Variants in CTNNA2 observed in about 807,000 individuals in gnomAD.
CTNNA2 encodes catenin alpha 2.
CTNNA2 carries 42 observed loss-of-function variants against 101.0 expected under a neutral mutation model. That is an observed-to-expected ratio of 0.42 (90% CI 0.32 to 0.54). CTNNA2 has a LOEUF of 0.54. CTNNA2 is among the 20% of genes least tolerant of loss of function. CTNNA2 has a pLI of 0.14. For synonymous variants in CTNNA2, 450 were observed against 456.4 expected (o/e 0.99, Z 0.18); for missense variants, 871 against 1,223.1 (o/e 0.71, Z 4.29).
intron 1 of CTNNA2, among the ~76,000 whole-genome samples, chr2:79,605,908 G>A (rs946121187): frequency 8.6e-5 from 13 of 152,026 alleles, no homozygotes; most frequent in African/African-American, 3.1e-4. Context: ...TAGCCTGGGT[G>A]ACAGGGTGAG....
chr2:79,805,913 G>A (rs1188484560), intron 3 of CTNNA2, among the ~76,000 whole-genome samples: 2 of 151,508 alleles, frequency 1.3e-5, no homozygotes, highest in Non-Finnish European at 2.9e-5. Context: ...ACTTCGGCCT[G>A]GGCGACAGAG....
Position 80,416,070 on chromosome 2 carries a change from G to A in CTNNA2, c.1138-3379G>A, listed in dbSNP as rs544174993. Reference sequence around the variant, plus strand: ...GGGCTGGAGGTGGGGGTGGTGAAACGGGAAATGCTGGTCAAAGGGTACAAA... The same window carrying A: ...GGGCTGGAGGTGGGGGTGGTGAAACAGGAAATGCTGGTCAAAGGGTACAAA... On this transcript the variant is annotated intron_variant, in intron 8 of 18. Transcript: ENST00000402739. Among the ~76,000 whole-genome samples, 123 of 152,120 alleles carry A rather than the reference G, an allele frequency of 8.1e-4. 1 individual carries two copies. Among genetic ancestry groups the A allele is most frequent in the African/African-American group, 2.6e-3 (107 of 41,518 alleles).
chr2:80,259,543 C>T (rs887668069), intron 7 of CTNNA2, among the ~76,000 whole-genome samples: 1 of 152,154 alleles, frequency 6.6e-6, no homozygotes, highest in Non-Finnish European at 1.5e-5. Flanking sequence ...TCCCGCAGTC[C>T]TAAGTGGCCT....
At chr2:80,619,020 TA>T in intron 17 of CTNNA2, 64 bp from the exon 18 acceptor site, 1 of 958,640 alleles carries the variant, frequency 1.0e-6, no homozygotes, top group Non-Finnish European at 1.4e-6. Flanking sequence ...CCAAGTAGGG[TA>T]CTTTTTTTTT....
At chr2:80,180,079 C>T (rs770566447) in intron 7 of CTNNA2, among the ~76,000 whole-genome samples, 2 of 152,156 alleles carry the variant, frequency 1.3e-5, no homozygotes, top group African/African-American at 2.4e-5. Context: ...GTCCAGTAGT[C>T]CCCGAAAGTT....
At chr2:80,356,829 A>G (rs1449328447) in intron 7 of CTNNA2, among the ~76,000 whole-genome samples, 1 of 152,222 alleles carries the variant, frequency 6.6e-6, no homozygotes, top group Non-Finnish European at 1.5e-5. Flanking sequence ...AACTAGTTTG[A>G]AAGCACTTAG....
At chr2:80,406,043 G>A (rs1679020637) in intron 8 of CTNNA2, among the ~76,000 whole-genome samples, 3 of 152,174 alleles carry the variant, frequency 2.0e-5, no homozygotes, top group Non-Finnish European at 4.4e-5. Flanking sequence ...ACTATCTAAA[G>A]GGAGTGACTG....
intron 9 of CTNNA2, among the ~76,000 whole-genome samples, chr2:80,451,231 C>A (rs774362972): frequency 5.9e-5 from 9 of 152,044 alleles, no homozygotes; most frequent in Non-Finnish European, 1.2e-4. Context: ...CTGGGAAGGA[C>A]CCACTGGGAG....
At chr2:79,993,803 G>T (rs1051002880) in intron 7 of CTNNA2, among the ~76,000 whole-genome samples, 2 of 152,188 alleles carry the variant, frequency 1.3e-5, no homozygotes, top group Non-Finnish European at 2.9e-5. Context: ...AGTAGGCCTG[G>T]TGTGATGACT....
At chr2:79,638,803 T>C (rs929271202) in intron 1 of CTNNA2, among the ~76,000 whole-genome samples, 1 of 152,250 alleles carries the variant, frequency 6.6e-6, no homozygotes, top group Non-Finnish European at 1.5e-5. Flanking sequence ...TTGCTTGCTT[T>C]AAAAATACAA....
rs540614517 is a variant in CTNNA2, at chr2:80,113,360, G to A, written c.1056+203563G>A. On this transcript the variant is annotated intron_variant, in intron 7 of 18. Transcript: ENST00000402739. ...ATTGACGTACATTGAGGACAGAGCA[G>A]TACAGGCGTACACAAGTTATTTTTA... is the stretch of plus-strand genomic sequence containing the variant. 2.0e-5 allele frequency among the ~76,000 whole-genome samples: 3 copies of A among 152,206 alleles called. No homozygotes were observed. The South Asian group carries it at 6.2e-4, about 31-fold the overall frequency.
intron 7 of CTNNA2, among the ~76,000 whole-genome samples, chr2:80,201,781 T>C (rs1168263871): frequency 6.6e-6 from 1 of 152,254 alleles, no homozygotes; most frequent in Non-Finnish European, 1.5e-5. Flanking sequence ...ATTCCTTTTC[T>C]TCCTGAGCCT....
At chr2:80,291,875 G>A (rs957292169) in intron 7 of CTNNA2, among the ~76,000 whole-genome samples, 2 of 152,200 alleles carry the variant, frequency 1.3e-5, no homozygotes, top group Non-Finnish European at 2.9e-5. Context: ...CCAGACCACA[G>A]TGGTAAAGGC....
intron 7 of CTNNA2, among the ~76,000 whole-genome samples, chr2:80,339,045 C>A (rs921801609): frequency 3.3e-5 from 5 of 152,126 alleles, no homozygotes; most frequent in Non-Finnish European, 7.3e-5. Flanking sequence ...GTGGTATTTG[C>A]TCTCTATTGG....
At chr2:80,373,077 T>C (rs1460187047) in intron 7 of CTNNA2, among the ~76,000 whole-genome samples, 1 of 152,190 alleles carries the variant, frequency 6.6e-6, no homozygotes, top group Non-Finnish European at 1.5e-5. Flanking sequence ...CATGGCCCAG[T>C]GCCTAGCCCT....
rs546787298 is a variant in CTNNA2, at chr2:79,430,101, G to C, written c.-135+56088G>C. On this transcript the variant is annotated intron_variant, in intron 4 of 21. Transcript: ENST00000466387. ...GCATAGGCTGCTTCATGGAGCTTGA[G>C]AGAAGCAAAAATCTCAAGCTCCAAG... Among the ~76,000 whole-genome samples the C allele has an allele frequency of 3.9e-5, 6 of 152,170 alleles. No individual in the cohort carries two copies. The South Asian group carries it at 1.2e-3, about 32-fold the overall frequency.
chr2:79,531,116 G>C (rs979781625), intron 1 of CTNNA2, among the ~76,000 whole-genome samples: 1 of 149,262 alleles, frequency 6.7e-6, no homozygotes, highest in Non-Finnish European at 1.5e-5. Flanking sequence ...ATAACCACTA[G>C]GGAAGTTATG....
At chr2:80,328,280 C>G in intron 7 of CTNNA2, 1 of 471,012 alleles carries the variant, frequency 2.1e-6, no homozygotes, top group South Asian at 1.5e-5. Flanking sequence ...ATAACAACTC[C>G]TTCTTTGCTC....
chr2:79,368,590 T>C (rs1378447405), intron 3 of CTNNA2, among the ~76,000 whole-genome samples: 3 of 152,202 alleles, frequency 2.0e-5, no homozygotes, highest in South Asian at 2.1e-4. Context: ...CGAACCACCA[T>C]GGGCTCTCTG....
Sources: gnomAD v4.1 joint callset for allele counts (sites outside exome capture counted in the v4.1 genomes callset) on GRCh38, gnomAD v4.1.1 for gene constraint, MANE v1.5 for transcripts, NCBI Gene and HGNC (gene_info 2026-07-23, HGNC 2026-07-21) for gene names.